The following KMT2C variants were observed in gnomAD, a reference collection of about 807,000 sequenced individuals.
KMT2C encodes the protein histone-lysine N-methyltransferase 2C.
Under a neutral mutation model 507.9 loss-of-function variants are expected in KMT2C, and 88 were observed. That is an observed-to-expected ratio of 0.17 (90% confidence interval 0.15 to 0.21). The LOEUF (loss-of-function observed/expected upper bound fraction) is 0.21, where lower values mean the gene tolerates loss of function less well. Among genes scored for constraint, KMT2C ranks in the 10% least tolerant of loss-of-function variants. KMT2C has a pLI of 1.00. For synonymous variants in KMT2C, 2,049 were observed against 2,080.8 expected (o/e 0.98, Z 0.42); for missense variants, 4,954 against 5,957.8 (o/e 0.83, Z 5.55).
chr7:152,203,022 A>G lies in KMT2C; in HGVS notation c.4004T>C (p.Val1335Ala). ...TTTTTCAGTGCTTTCAGTAACAGAA[A>G]CAGATTCATCAACTAAAGTATCTGG... is the stretch of plus-strand genomic sequence containing the variant. ...QLPDTLVDES[V>A]SVTESTEKIK... is the part of the protein sequence containing the mutation. Residue 1335 changes from valine to alanine, a missense_variant, in exon 26 of 59, where the codon GTT becomes GCT. Transcript: ENST00000262189. The G allele has an allele frequency of 6.2e-7, 1 of 1,611,298 alleles. No individual in the cohort carries two copies. The highest frequency in any genetic ancestry group is 8.5e-7 in the Non-Finnish European group (1 of 1,178,134).
At chr7:152,194,687 T>C (rs574224495) in intron 28 of KMT2C, 119 bp from the exon 29 acceptor site, 2 of 662,056 alleles carry the variant, frequency 3.0e-6, no homozygotes, top group East Asian at 6.2e-5. Flanking sequence ...AAATAAAGTC[T>C]GTAATTCTGA....
chr7:152,214,037 T>G (rs1047693810), intron 23 of KMT2C, among the ~76,000 whole-genome samples: 1 of 152,094 alleles, frequency 6.6e-6, no homozygotes, highest in Non-Finnish European at 1.5e-5. Context: ...TCATGTCTCT[T>G]AGAATGACTA....
chr7:152,258,527 T>G (rs1239355201), intron 9 of KMT2C, among the ~76,000 whole-genome samples: 1 of 151,916 alleles, frequency 6.6e-6, no homozygotes, highest in African/African-American at 2.4e-5. Flanking sequence ...TTGCTGTTGT[T>G]GTTGTTGTTG....
At chr7:152,151,368 T>C (rs1450684511) in intron 50 of KMT2C, 74 bp downstream of exon 50, 1 of 1,467,374 alleles carries the variant, frequency 6.8e-7, no homozygotes, top group African/African-American at 1.4e-5. Context: ...CTCTCTCTGA[T>C]GTTGGAAGAG....
chr7:152,297,547 A>G (rs889980292), intron 6 of KMT2C, among the ~76,000 whole-genome samples: 2 of 152,230 alleles, frequency 1.3e-5, no homozygotes, highest in Non-Finnish European at 2.9e-5. Flanking sequence ...CACTAGCCAA[A>G]CTGGGAAAAC....
At chr7:152,290,294 A>ATATATATAT (rs1563743352) in intron 6 of KMT2C, among the ~76,000 whole-genome samples, 1 of 21,416 alleles carries the variant, frequency 4.7e-5, no homozygotes, top group Non-Finnish European at 7.7e-5. Context: ...ATATATATAT[A>ATATATATAT]TTTTTTTTTT....
chr7:152,289,176 T>C (rs903806939), intron 6 of KMT2C, among the ~76,000 whole-genome samples: 14 of 152,224 alleles, frequency 9.2e-5, no homozygotes, highest in African/African-American at 3.4e-4. Flanking sequence ...TGTTTAACAA[T>C]TGAAGCAAAA....
At chr7:152,269,392 G>A (rs1466165503) in intron 7 of KMT2C, among the ~76,000 whole-genome samples, 1 of 152,226 alleles carries the variant, frequency 6.6e-6, no homozygotes, top group African/African-American at 2.4e-5. Context: ...CAGTCAGGGA[G>A]AAGATGTGTG....
intron 9 of KMT2C, among the ~76,000 whole-genome samples, chr7:152,253,623 G>C (rs1379207395): frequency 6.6e-6 from 1 of 151,456 alleles, no homozygotes; most frequent in Non-Finnish European, 1.5e-5. Flanking sequence ...GAGCCTAGGA[G>C]TTTGAGGCTG....
rs145869394 is a variant in KMT2C, at chr7:152,177,534, T to C, written c.7919A>G (p.His2640Arg). 4.3e-6 allele frequency: 7 copies of C among 1,614,204 alleles called. No homozygotes were observed. Among genetic ancestry groups the C allele is most frequent in the Non-Finnish European group, 5.1e-6 (6 of 1,180,042 alleles). The change falls in exon 38 of 59, where the codon CAT becomes CGT. Residue 2640 changes from histidine to arginine, a missense_variant. Physicochemically the swap from His to Arg is conservative, Grantham distance 29 (BLOSUM62 0). This residue lies in a region of KMT2C where 1,689 missense variants were observed against 1,654.3 expected (regional missense o/e 1.02). Coordinates refer to ENST00000262189, the MANE Select transcript of KMT2C (RefSeq NM_170606.3). ...AGTCCTCATGACCATAGAAGATGAA[T>C]GGACAGAATGACCTTGCTCTTGTTG... Reference protein sequence around the residue: ...PSQQEQGHSVHSSSMVMRTLN... With the variant: ...PSQQEQGHSVRSSSMVMRTLN...
At chr7:152,221,262 A>C (rs2094760646) in intron 22 of KMT2C, among the ~76,000 whole-genome samples, 1 of 152,216 alleles carries the variant, frequency 6.6e-6, no homozygotes, top group African/African-American at 2.4e-5. Flanking sequence ...GTCTCAAAAA[A>C]GTCTTCCTGG....
chr7:152,426,854 C>T (rs1315334635), intron 1 of KMT2C, among the ~76,000 whole-genome samples: 1 of 152,194 alleles, frequency 6.6e-6, no homozygotes, highest in Non-Finnish European at 1.5e-5. Flanking sequence ...ACAACCTAGA[C>T]TTGAATCCAG....
chr7:152,176,069 G>A (rs1318881797), intron 38 of KMT2C, 122 bp downstream of exon 38: 1 of 1,044,846 alleles, frequency 9.6e-7, no homozygotes, highest in Non-Finnish European at 1.4e-6. Flanking sequence ...ACTCCTCAAG[G>A]AGGAATAGAA....
chr7:152,271,524 T>G (rs1004713147), intron 7 of KMT2C, among the ~76,000 whole-genome samples: 1 of 151,692 alleles, frequency 6.6e-6, no homozygotes, highest in African/African-American at 2.4e-5. Flanking sequence ...ATACAAAAAA[T>G]TAGCCGGGTG....
intron 15 of KMT2C, 82 bp from the exon 16 acceptor site, chr7:152,236,015 T>C: frequency 1.3e-6 from 1 of 773,336 alleles, no homozygotes; most frequent in Middle Eastern, 2.4e-4. Context: ...AGATAAAACA[T>C]TTTATTAAAT....
intron 2 of KMT2C, among the ~76,000 whole-genome samples, chr7:152,347,795 C>A (rs548252057): frequency 4.1e-4 from 62 of 152,204 alleles, no homozygotes; most frequent in Middle Eastern, 6.8e-3. Context: ...TTCATGCATA[C>A]CTTTTTCTTA....
At chr7:152,421,552 G>A (rs186510139) in intron 1 of KMT2C, among the ~76,000 whole-genome samples, 4 of 152,262 alleles carry the variant, frequency 2.6e-5, no homozygotes, top group African/African-American at 9.6e-5. Context: ...ACAGAATACT[G>A]TGCAGCCATA....
At chr7:152,243,523 T>C (rs1237463747) in intron 14 of KMT2C, among the ~76,000 whole-genome samples, 2 of 152,228 alleles carry the variant, frequency 1.3e-5, no homozygotes, top group South Asian at 2.1e-4. Context: ...GGCTCACCCC[T>C]GTAATCCCAG....
chr7:152,330,765 CAA>C lies in KMT2C; in HGVS notation c.251-28_251-27del, dbSNP rs553912889. The C allele has an allele frequency of 1.7e-4, 271 of 1,607,982 alleles. No homozygotes were observed. The African/African-American group carries it at 3.3e-3, about 20-fold the overall frequency. ...CTGCTTAACAGTAAACAAGAGAAAA[CAA>C]AGAGTCATTTTTGTGTTTATTTTAA... On this transcript the variant is annotated intron_variant, in intron 2 of 58. Transcript: ENST00000262189.
Sources: gnomAD v4.1 joint callset for allele counts (sites outside exome capture counted in the v4.1 genomes callset) on GRCh38, gnomAD v4.1.1 for gene constraint, gnomAD v4.1.1 regional missense constraint, MANE v1.5 for transcripts, NCBI Gene and HGNC (gene_info 2026-07-23, HGNC 2026-07-21) for gene names.